AP3D1: variants seen among roughly 807,000 people sequenced by gnomAD.
AP3D1 encodes the protein AP-3 complex subunit delta-1.
In AP3D1, 51 loss-of-function variants were observed where a neutral mutation model predicts 147.6. The observed-to-expected ratio is 0.35, with a 90% CI of 0.28 to 0.44. The LOEUF (loss-of-function observed/expected upper bound fraction) is 0.44. AP3D1 is among the 20% of genes least tolerant of loss of function. The pLI is 1.00. For missense variants in AP3D1, 1,421 were observed against 1,624.2 expected (o/e 0.87, Z 2.15); for synonymous variants, 760 against 663.0 (o/e 1.15, Z -2.25).
chr19:2,137,551 G>A (rs903412830), intron 3 of AP3D1, among the ~76,000 whole-genome samples, 176 bp downstream of exon 3: 1 of 152,086 alleles, frequency 6.6e-6, no homozygotes, highest in Non-Finnish European at 1.5e-5. Context: ...CCCAACCTCA[G>A]GTGATCCGCC....
chr19:2,158,609 T>C (rs562555732), intron 1 of AP3D1, among the ~76,000 whole-genome samples: 55 of 137,004 alleles, frequency 4.0e-4, no homozygotes, highest in Non-Finnish European at 6.8e-4. Context: ...ATCCCAGCTC[T>C]TTTTTTTTTT....
At chr19:2,163,754 G>T (rs868747574) in intron 1 of AP3D1, among the ~76,000 whole-genome samples, 34 of 151,796 alleles carry the variant, frequency 2.2e-4, no homozygotes, top group Non-Finnish European at 1.5e-4. Flanking sequence ...GGGCAACCGA[G>T]GACGTGCGTG....
At chr19:2,136,773 G>A (rs1420556183) in intron 4 of AP3D1, among the ~76,000 whole-genome samples, 1 of 152,176 alleles carries the variant, frequency 6.6e-6, no homozygotes, top group East Asian at 1.9e-4. Flanking sequence ...AGCGAGGGAA[G>A]GGGGCACCGC....
rs1017375180 is a variant in AP3D1, at chr19:2,118,624, C to T, written c.1690G>A (p.Ala564Thr). The T allele has an allele frequency of 8.7e-6, 14 of 1,610,872 alleles. No homozygotes were observed. The highest frequency in any genetic ancestry group is 6.7e-5 in the African/African-American group (5 of 74,946). ...VDRLPQFVQS[A>T]DLEVQERASC... is the part of the protein sequence containing the mutation. ...ACCCGCTCCTGCACCTCCAGGTCTG[C>T]GCTCTGCACAAACTGGGGCAGCCGG... Residue 564 changes from alanine (A) to threonine (T), a missense_variant, in exon 15 of 32, where the codon GCA becomes ACA. Transcript: ENST00000643116.
chr19:2,150,682 C>A (rs1388324512), intron 1 of AP3D1, among the ~76,000 whole-genome samples: 1 of 152,318 alleles, frequency 6.6e-6, no homozygotes, highest in Middle Eastern at 3.4e-3. Context: ...GACCTGGACA[C>A]GCATTTACAC....
chr19:2,115,990 G>A (rs1354792661), intron 18 of AP3D1, among the ~76,000 whole-genome samples: 1 of 152,260 alleles, frequency 6.6e-6, no homozygotes, highest in Non-Finnish European at 1.5e-5. Context: ...CAGCTGGGCT[G>A]CCAGGCGCAG....
chr19:2,118,952 C>A, intron 14 of AP3D1, 120 bp from the exon 15 acceptor site: 3 of 907,146 alleles, frequency 3.3e-6, no homozygotes, highest in Non-Finnish European at 5.0e-6. Context: ...CCTTCCCATT[C>A]CCTGAGCGGT....
Position 2,121,833 on chromosome 19 carries a change from G to T in AP3D1, c.1002C>A (p.His334Gln). Residue 334 changes from histidine to glutamine, a missense_variant, in exon 12 of 32, where the codon CAC becomes CAA. Physicochemically the swap from His to Gln is conservative, Grantham distance 24. Transcript: ENST00000643116. ...CCTTGTGGGACTGCACGGACTTGGG[G>T]TGGGTCTTCAGGATCTTGGACATTG... ...LLAMSKILKT[H>Q]PKSVQSHKDL... 1 of 1,612,320 alleles carries T rather than the reference G, an allele frequency of 6.2e-7. No individual in the cohort carries two copies. The highest frequency in any genetic ancestry group is 1.1e-5 in the South Asian group (1 of 90,902).
chr19:2,111,142 G>T, intron 26 of AP3D1, 143 bp downstream of exon 26: 1 of 1,129,776 alleles, frequency 8.9e-7, no homozygotes, highest in Non-Finnish European at 1.3e-6. Context: ...CAGAGGTGCT[G>T]CCCAAGCAAC....
At chr19:2,163,981 C>T (rs942470034) in intron 1 of AP3D1, among the ~76,000 whole-genome samples, 4 of 149,664 alleles carry the variant, frequency 2.7e-5, no homozygotes, top group Admixed American at 6.6e-5. Context: ...GCTGGAGGCC[C>T]CGGGCCTGTG....
In AP3D1 at chr19:2,110,697, C is replaced by A; in HGVS notation, c.3175+10G>T. 9 of 1,585,226 alleles carry A rather than the reference C, an allele frequency of 5.7e-6. No individual in the cohort carries two copies. The South Asian group carries it at 1.0e-4, about 18-fold the overall frequency. The stretch of plus-strand genomic sequence containing the variant: ...TCCCCAGGAGAGGCCGTGAGTGGGG[C>A]AGGGCTCACCTGGGGGCAGCTGGAA... On this transcript the variant is annotated intron_variant, in intron 27 of 31. Coordinates refer to ENST00000643116, the MANE Select transcript of AP3D1 (RefSeq NM_001261826.3).
At chr19:2,162,786 G>A (rs1459637800) in intron 1 of AP3D1, among the ~76,000 whole-genome samples, 5 of 152,128 alleles carry the variant, frequency 3.3e-5, no homozygotes, top group African/African-American at 1.2e-4. Flanking sequence ...ATTGCTGAGA[G>A]GAGGAAAGCA....
At chr19:2,163,724 TG>T (rs1420501786) in intron 1 of AP3D1, among the ~76,000 whole-genome samples, 1 of 149,132 alleles carries the variant, frequency 6.7e-6, no homozygotes, top group Non-Finnish European at 1.5e-5. Flanking sequence ...GGCCGGCGAG[TG>T]GGGGAAGGGG....
chr19:2,132,474 T>G lies in AP3D1; in HGVS notation c.459A>C (p.Thr153=). The G allele has an allele frequency of 1.2e-6, 2 of 1,603,888 alleles. No individual in the cohort carries two copies. The highest frequency in any genetic ancestry group is 1.7e-6 in the Non-Finnish European group (2 of 1,171,628). ...GTGGGCAGGCTTACAAACTCACCAG[T>G]GTCATGATGTCATTTGCCAGGTCTC... ...LARDLANDIM[T]LMSHTKPYIR... Residue 153 remains threonine (T), a synonymous_variant, in exon 5 of 32, where the codon ACA becomes ACC. Transcript: ENST00000643116.
intron 20 of AP3D1, 113 bp from the exon 21 acceptor site, chr19:2,114,934 A>C: frequency 8.2e-7 from 1 of 1,215,244 alleles, no homozygotes. Context: ...ACAGGTGGGC[A>C]GTGACGTGGC....
Position 2,162,890 on chromosome 19 carries a change from C to T in AP3D1, c.-103+1466G>A, listed in dbSNP as rs1023029326. 1.1e-4 allele frequency among the ~76,000 whole-genome samples: 17 copies of T among 151,892 alleles called. 1 individual carries two copies. In the South Asian group the frequency reaches 1.5e-3, roughly 13 times the overall value. On this transcript the variant is annotated intron_variant, in intron 1 of 14. Coordinates refer to the AP3D1 transcript ENST00000643010. ...GGGCAGGGAGGGTGTTGGTGTCCCC[C>T]GGGGACTTGGGGAGGTGCTGGTGGT...
chr19:2,111,130 G>A, intron 26 of AP3D1, 155 bp downstream of exon 26: 4 of 1,045,848 alleles, frequency 3.8e-6, no homozygotes, highest in Non-Finnish European at 5.6e-6. Flanking sequence ...CTTACCCCAA[G>A]CCAGAGGTGC....
chr19:2,149,912 C>G (rs1385746428), intron 1 of AP3D1, among the ~76,000 whole-genome samples: 1 of 152,210 alleles, frequency 6.6e-6, no homozygotes, highest in Non-Finnish European at 1.5e-5. Context: ...TTTCAACTCA[C>G]AAAGAATCTG....
chr19:2,127,300 A>AC (rs2018784194), intron 8 of AP3D1, 99 bp from the exon 9 acceptor site: 8 of 1,330,192 alleles, frequency 6.0e-6, no homozygotes, highest in Non-Finnish European at 8.5e-6. Flanking sequence ...CCTCCGCCCC[A>AC]CGGCTCAGGG....
Sources: gnomAD v4.1 joint callset for allele counts (sites outside exome capture counted in the v4.1 genomes callset) on GRCh38, gnomAD v4.1.1 for gene constraint, MANE v1.5 for transcripts, NCBI Gene and HGNC (gene_info 2026-07-23, HGNC 2026-07-21) for gene names.